The following PDE9A variants were observed in gnomAD, a reference collection of about 807,000 sequenced individuals.
PDE9A encodes the protein high affinity cGMP-specific 3',5'-cyclic phosphodiesterase 9A.
PDE9A carries 60 observed loss-of-function variants against 87.4 expected under a neutral mutation model. That is an observed-to-expected ratio of 0.69 (90% CI 0.56 to 0.85). The LOEUF is 0.85. PDE9A is among the 40% of genes least tolerant of loss of function. PDE9A has a pLI of 0.00. For missense variants in PDE9A, 665 were observed against 779.0 expected (o/e 0.85, Z 1.74); for synonymous variants, 272 against 279.4 (o/e 0.97, Z 0.27).
At chr21:42,751,740 C>T (rs1194129202) in intron 9 of PDE9A, among the ~76,000 whole-genome samples, 1 of 127,458 alleles carries the variant, frequency 7.8e-6, no homozygotes, top group Non-Finnish European at 1.6e-5. Flanking sequence ...TCCCGGCCCA[C>T]CTGCTTTTTT....
At chr21:42,733,169 C>T (rs1364720913) in intron 6 of PDE9A, among the ~76,000 whole-genome samples, 187 bp from the exon 7 acceptor site, 1 of 152,214 alleles carries the variant, frequency 6.6e-6, no homozygotes, top group Admixed American at 6.5e-5. Flanking sequence ...TGATTCTTTC[C>T]TCCCCATGGG....
chr21:42,719,184 C>A (rs895642631), intron 4 of PDE9A, among the ~76,000 whole-genome samples: 1 of 151,760 alleles, frequency 6.6e-6, no homozygotes, highest in African/African-American at 2.4e-5. Flanking sequence ...GAATTTGGGT[C>A]CCACTGCCAT....
At chr21:42,657,004 G>A (rs1312662501) in intron 1 of PDE9A, among the ~76,000 whole-genome samples, 1 of 152,264 alleles carries the variant, frequency 6.6e-6, no homozygotes, top group Non-Finnish European at 1.5e-5. Flanking sequence ...CTGAGTGCTG[G>A]CGGAATGGGA....
rs995439255 is a variant in PDE9A at position 42,694,373 on chromosome 21, C to T, written c.219-4595C>T. Among the ~76,000 whole-genome samples, 3 of 152,170 alleles carry T rather than the reference C, an allele frequency of 2.0e-5. No homozygotes were observed. The highest frequency in any genetic ancestry group is 7.2e-5 in the African/African-American group (3 of 41,452). On this transcript the variant is annotated intron_variant, in intron 3 of 19. Transcript: ENST00000291539. This position sits in a 1 kb window ranked among gnomAD's most constrained non-coding sequence, Gnocchi z 5.3. ...CTGGCAGCTGGTTGCATCTGGCATGCTTGGATTCCTGCAGGTGGCTGGTTG... is the reference window on the plus strand; with the variant it reads ...CTGGCAGCTGGTTGCATCTGGCATGTTTGGATTCCTGCAGGTGGCTGGTTG...
intron 1 of PDE9A, among the ~76,000 whole-genome samples, chr21:42,683,171 C>T (rs1469478540): frequency 6.6e-6 from 1 of 152,212 alleles, no homozygotes; most frequent in Admixed American, 6.5e-5. Flanking sequence ...ACTGATTCTC[C>T]ACTGGCTCCT....
chr21:42,751,039 G>T lies in PDE9A; in HGVS notation c.654-77G>T, dbSNP rs143706818. ...ACGGGGCTTGGGGGTTGGGTTTGTCGCTTGCTTTTGCTGTGCTGAGGGCTT... is the reference window on the plus strand; with the variant it reads ...ACGGGGCTTGGGGGTTGGGTTTGTCTCTTGCTTTTGCTGTGCTGAGGGCTT... On this transcript the variant is annotated intron_variant, in intron 8 of 19. Transcript: ENST00000291539. 8.6e-5 allele frequency: 82 copies of T among 952,158 alleles called. 1 individual carries two copies. In the East Asian group the frequency reaches 1.2e-3, roughly 14 times the overall value. 59.0% of individuals were successfully genotyped at this position (952,158 alleles called of 1,614,324 possible).
chr21:42,664,693 C>T (rs1034093463), intron 1 of PDE9A, among the ~76,000 whole-genome samples: 1 of 152,284 alleles, frequency 6.6e-6, no homozygotes, highest in Admixed American at 6.5e-5. Flanking sequence ...GGGTTCCATT[C>T]CCATCCGAAT....
chr21:42,768,071 A>C, intron 15 of PDE9A, 117 bp from the exon 16 acceptor site: 1 of 681,988 alleles, frequency 1.5e-6, no homozygotes, highest in East Asian at 2.6e-5. Context: ...GCTCAGTTGC[A>C]TGGTCCAGCA....
intron 2 of PDE9A, among the ~76,000 whole-genome samples, chr21:42,687,219 G>A (rs956177399): frequency 6.6e-6 from 1 of 152,226 alleles, no homozygotes; most frequent in African/African-American, 2.4e-5. Context: ...TGAGAAAAGG[G>A]AGATGAAAGT....
At chr21:42,766,859 G>A (rs1340507062) in intron 15 of PDE9A, among the ~76,000 whole-genome samples, 6 of 152,238 alleles carry the variant, frequency 3.9e-5, no homozygotes, top group African/African-American at 1.2e-4. Flanking sequence ...TTCCTCCTCT[G>A]AGGTGGGAGG....
rs2060076409 is a variant in PDE9A at position 42,695,209 on chromosome 21, C to T, written c.219-3759C>T. The stretch of plus-strand genomic sequence containing the variant: ...GAAAAATAATTGATGACTAAACAAC[C>T]TAACGACCAACAAATATAAAAAGTC... On this transcript the variant is annotated intron_variant, in intron 3 of 19. Coordinates refer to ENST00000291539, the MANE Select transcript of PDE9A (RefSeq NM_002606.3). This position sits in a 1 kb window ranked among gnomAD's most constrained non-coding sequence, Gnocchi z 4.3. Among the ~76,000 whole-genome samples the T allele has an allele frequency of 6.6e-6, 1 of 152,216 alleles. No individual in the cohort carries two copies.
In PDE9A at chr21:42,689,430, G is replaced by A. The variant is rs554587664; in HGVS notation, c.218+1436G>A. 4 of 549,526 alleles carry A rather than the reference G, an allele frequency of 7.3e-6. No individual in the cohort carries two copies. In the South Asian group the frequency reaches 2.4e-4, roughly 33 times the overall value. The allele number at this position is 549,526 out of a possible 1,614,324, so 34.0% of individuals were successfully genotyped here. ...TCCAGTAAGCATCTTGTCAGCCTCA[G>A]CACCAGCTCCAGCCTGGGGGGTCTC... On this transcript the variant is annotated intron_variant, in intron 3 of 19. Coordinates refer to ENST00000291539, the MANE Select transcript of PDE9A (RefSeq NM_002606.3).
chr21:42,685,216 C>A (rs2146155352), intron 1 of PDE9A, among the ~76,000 whole-genome samples: 1 of 152,368 alleles, frequency 6.6e-6, no homozygotes, highest in South Asian at 2.1e-4. Flanking sequence ...AATACCCCCT[C>A]CCTGAGAGCC....
chr21:42,745,525 C>T (rs908297393), intron 8 of PDE9A, among the ~76,000 whole-genome samples: 2 of 152,238 alleles, frequency 1.3e-5, no homozygotes, highest in Non-Finnish European at 1.5e-5. Context: ...TGCACAGGGA[C>T]GGCCACACAG....
chr21:42,762,863 C>T (rs2055957053), intron 14 of PDE9A, among the ~76,000 whole-genome samples: 1 of 151,998 alleles, frequency 6.6e-6, no homozygotes, highest in African/African-American at 2.4e-5. Flanking sequence ...GGCTAATTTT[C>T]GGTATTTTTA....
Position 42,760,477 on chromosome 21 carries a change from C to CGCCGTATCATTAAA in PDE9A, c.1002+45_1002+46insGCCGTATCATTAAA. The CGCCGTATCATTAAA allele has an allele frequency of 8.4e-7, 1 of 1,195,666 alleles. No individual in the cohort carries two copies. The highest frequency in any genetic ancestry group is 1.8e-5 in the Admixed American group (1 of 55,034). 74.1% of individuals were successfully genotyped at this position (1,195,666 alleles called of 1,614,324 possible). A position where few individuals can be genotyped will look rare whatever the true frequency, so the allele number is the denominator to read the frequency against. On this transcript the variant is annotated intron_variant, in intron 12 of 19. Transcript: ENST00000291539. This position sits in a 1 kb window ranked among gnomAD's most constrained non-coding sequence, Gnocchi z 5.2. ...CACCCAGACCTCTACTCTCGGGGGT[C>CGCCGTATCATTAAA]AGACGGAGGCCCCCTTCCAGGGAGC...
At position 42,659,364 on chromosome 21, in the gene PDE9A, C is replaced by T. The variant is rs1257820840; in HGVS notation, c.69+5481C>T. ...ATCTGGGAATCCAGGAGGGCTGGTC[C>T]CATAGAGTGGTGGGGACATGGTGCT... On this transcript the variant is annotated intron_variant, in intron 1 of 19. Transcript: ENST00000291539. This position sits in a 1 kb window ranked among gnomAD's most constrained non-coding sequence, Gnocchi z 4.1. Among the ~76,000 whole-genome samples, 2 of 152,224 alleles carry T rather than the reference C, an allele frequency of 1.3e-5. No homozygotes were observed. Among genetic ancestry groups the T allele is most frequent in the Non-Finnish European group, 2.9e-5 (2 of 68,042 alleles).
chr21:42,686,096 C>G (rs2059446429), intron 1 of PDE9A, 96 bp from the exon 2 acceptor site: 7 of 846,132 alleles, frequency 8.3e-6, no homozygotes, highest in South Asian at 7.2e-5. Context: ...CAAAACGAAC[C>G]TTCAGTTTGG....
chr21:42,739,547 C>CT lies in PDE9A; in HGVS notation c.569-4225dup, dbSNP rs2052880083. ...TGCTTTCTCTTCATTGAGGAATGCA[C>CT]TTTTGCAATGTTGTTACTCACTATC... On this transcript the variant is annotated intron_variant, in intron 7 of 19. Transcript: ENST00000291539. The surrounding 1 kb of genome is among the most constrained non-coding windows in gnomAD (Gnocchi z 4.1). Among the ~76,000 whole-genome samples, 1 of 152,226 alleles carries CT rather than the reference C, an allele frequency of 6.6e-6. No homozygotes were observed. Among genetic ancestry groups the CT allele is most frequent in the East Asian group, 1.9e-4 (1 of 5,204 alleles).
Sources: allele counts gnomAD v4.1 joint callset (sites outside exome capture counted in the v4.1 genomes callset), GRCh38; gene constraint gnomAD v4.1.1; non-coding constraint Gnocchi (gnomAD v3.1); transcripts MANE v1.5; gene names NCBI Gene and HGNC (gene_info 2026-07-23, HGNC 2026-07-21).